Variants in PCDHGA4 observed in about 807,000 individuals in gnomAD.
PCDHGA4 encodes protocadherin gamma subfamily A, 4.
PCDHGA4 carries 38 observed loss-of-function variants against 54.6 expected under a neutral mutation model. That is an observed-to-expected ratio of 0.70 (90% CI 0.54 to 0.91). PCDHGA4 has a LOEUF of 0.91. PCDHGA4 is among the 40% of genes least tolerant of loss of function. The pLI is 0.00. For missense variants in PCDHGA4, 1,298 were observed against 1,220.9 expected (o/e 1.06, Z -0.94); for synonymous variants, 511 against 512.9 (o/e 1.00, Z 0.05).
intron 1 of PCDHGA4, chr5:141,383,482 G>T (rs908975143): frequency 6.2e-7 from 1 of 1,613,500 alleles, no homozygotes; most frequent in Non-Finnish European, 8.5e-7. Context: ...CCCGGAACTG[G>T]TGCTGGAGCG....
chr5:141,355,814 A>T lies in PCDHGA4; in HGVS notation c.707A>T (p.Glu236Val). 6.2e-7 allele frequency: 1 copy of T among 1,613,248 alleles called. No individual in the cohort carries two copies. The highest frequency in any genetic ancestry group is 8.5e-7 in the Non-Finnish European group (1 of 1,179,524). Residue 236 changes from glutamate (E) to valine (V), a missense_variant, in exon 1 of 4, where the codon GAG (glutamate) becomes GTG (valine). Coordinates refer to ENST00000571252, the MANE Select transcript of PCDHGA4 (RefSeq NM_018917.4). ...GAACGCGCTCTAGATCGCGAGGAAGAGGCGGTTCACCACCTCGTTCTCACG... is the reference window on the plus strand; with the variant it reads ...GAACGCGCTCTAGATCGCGAGGAAGTGGCGGTTCACCACCTCGTTCTCACG... ...VLERALDREE[E>V]AVHHLVLTAF...
At chr5:141,366,178 C>G (rs778986920) in intron 1 of PCDHGA4, 1 of 1,614,044 alleles carries the variant, frequency 6.2e-7, no homozygotes, top group Non-Finnish European at 8.5e-7. Context: ...AGCCAGGACT[C>G]TTTGCGGTTG....
chr5:141,450,900 C>T (rs907024071), intron 1 of PCDHGA4, among the ~76,000 whole-genome samples: 9 of 151,048 alleles, frequency 6.0e-5, no homozygotes, highest in Non-Finnish European at 1.2e-4. Flanking sequence ...TATCGGCTCA[C>T]TGCAACCGCT....
intron 1 of PCDHGA4, chr5:141,374,738 G>C (rs1454843423): frequency 4.3e-6 from 7 of 1,611,282 alleles, no homozygotes; most frequent in East Asian, 2.2e-5. Flanking sequence ...GGATGGCGGC[G>C]ACCCTGTCCG....
At position 141,357,290 on chromosome 5, in the gene PCDHGA4, T is replaced by C. The variant is rs773203887; in HGVS notation, c.2183T>C (p.Val728Ala). 3.7e-6 allele frequency: 6 copies of C among 1,613,952 alleles called. 1 individual carries two copies. In the South Asian group the frequency reaches 4.4e-5, roughly 12 times the overall value. The change falls in exon 1 of 4, where the codon GTG (valine) becomes GCG (alanine). Residue 728 changes from valine (V) to alanine (A), a missense_variant. By Grantham distance (64) the Val-to-Ala change is moderately conservative (BLOSUM62 0). Transcript: ENST00000571252. ...SGLTLYLVVA[V>A]AAVSCVFLAF... ...CTCACACTCTATCTCGTGGTGGCAGTGGCCGCTGTCTCCTGCGTCTTCCTG... is the reference window on the plus strand; with the variant it reads ...CTCACACTCTATCTCGTGGTGGCAGCGGCCGCTGTCTCCTGCGTCTTCCTG...
At chr5:141,423,415 G>A (rs779262475) in intron 1 of PCDHGA4, 103 of 1,614,016 alleles carry the variant, frequency 6.4e-5, no homozygotes, top group African/African-American at 1.2e-4. Context: ...GCAGGCTTCT[G>A]AAGGCGGGTT....
intron 1 of PCDHGA4, among the ~76,000 whole-genome samples, chr5:141,464,549 C>T (rs2099086404): frequency 6.6e-6 from 1 of 152,014 alleles, no homozygotes; most frequent in Non-Finnish European, 1.5e-5. Flanking sequence ...TAGCTATTCC[C>T]CATCTTGCAT....
chr5:141,384,553 G>C, intron 1 of PCDHGA4: 1 of 1,614,270 alleles, frequency 6.2e-7, no homozygotes, highest in Non-Finnish European at 8.5e-7. Context: ...GAGCCTGTTC[G>C]TGCTGGACCA....
intron 1 of PCDHGA4, chr5:141,478,523 G>A: frequency 1.2e-6 from 2 of 1,609,908 alleles, no homozygotes; most frequent in Non-Finnish European, 1.7e-6. Flanking sequence ...GGTGTTGGGT[G>A]CAGAGAGCGC....
At chr5:141,403,066 G>A in intron 1 of PCDHGA4, 1 of 1,614,076 alleles carries the variant, frequency 6.2e-7, no homozygotes, top group East Asian at 2.2e-5. Flanking sequence ...TGCCTGAAGA[G>A]ACAGAAAAGG....
chr5:141,410,826 G>T, intron 1 of PCDHGA4: 4 of 379,152 alleles, frequency 1.1e-5, no homozygotes, highest in Non-Finnish European at 9.0e-6. Flanking sequence ...AATGTCACCA[G>T]ACTGAAGATA....
At chr5:141,434,713 T>C (rs1377558306) in intron 1 of PCDHGA4, among the ~76,000 whole-genome samples, 1 of 152,088 alleles carries the variant, frequency 6.6e-6, no homozygotes, top group Non-Finnish European at 1.5e-5. Flanking sequence ...GGTAAATCTC[T>C]GTTCAGGGCT....
intron 1 of PCDHGA4, chr5:141,398,248 A>G (rs908511447): frequency 1.4e-6 from 2 of 1,472,692 alleles, no homozygotes; most frequent in African/African-American, 2.9e-5. Flanking sequence ...TCCCGAGGAA[A>G]TGCCCAAGGG....
rs750827454 is a variant in PCDHGA4, at chr5:141,394,736, C to T, written c.2514+37115C>T. The stretch of plus-strand genomic sequence containing the variant: ...TGGACAGAGATGCGCTCAAGCAGAG[C>T]CTCGTGGTGGCCGTCCAGGACCATG... On this transcript the variant is annotated intron_variant, in intron 1 of 3. Transcript: ENST00000571252. 13 of 1,613,338 alleles carry T rather than the reference C, an allele frequency of 8.1e-6. No homozygotes were observed. The African/African-American group carries it at 1.5e-4, about 18-fold the overall frequency.
chr5:141,413,914 A>G (rs776089620), intron 1 of PCDHGA4: 13 of 1,613,234 alleles, frequency 8.1e-6, no homozygotes. Flanking sequence ...GCCGGTCTTC[A>G]CCTTGCCAGA....
At chr5:141,418,877 G>T in intron 1 of PCDHGA4, 1 of 1,613,960 alleles carries the variant, frequency 6.2e-7, no homozygotes, top group Non-Finnish European at 8.5e-7. Context: ...AGTTGTAGAC[G>T]AAAACGACAA....
chr5:141,357,872 T>A (rs1760752511), intron 1 of PCDHGA4: 1 of 562,694 alleles, frequency 1.8e-6, no homozygotes, highest in African/African-American at 1.9e-5. Flanking sequence ...ATTTTACAAC[T>A]CTGAGCCACC....
chr5:141,418,589 C>G lies in PCDHGA4; in HGVS notation c.2514+60968C>G, dbSNP rs184213052. ...CAATGACAACCCCCCAGTGTTCAGC[C>G]AGGACGTGTACAGGGTTAGCCTTCG... On this transcript the variant is annotated intron_variant, in intron 1 of 3. Transcript: ENST00000571252. 5.5e-4 allele frequency: 884 copies of G among 1,614,012 alleles called. 4 individuals carry two copies. Among genetic ancestry groups the G allele is most frequent in the South Asian group, 4.0e-3 (361 of 91,086 alleles).
chr5:141,487,880 G>T lies in PCDHGA4; in HGVS notation c.2515-6927G>T, dbSNP rs1008153773. ...ATTGGTGATCAAGAGCCAGGCTGTTGTGGAAGCATGATGATGGAATGTGGG... is the reference window on the plus strand; with the variant it reads ...ATTGGTGATCAAGAGCCAGGCTGTTTTGGAAGCATGATGATGGAATGTGGG... On this transcript the variant is annotated intron_variant, in intron 1 of 3. Transcript: ENST00000571252. The surrounding 1 kb of genome is among the most constrained non-coding windows in gnomAD (Gnocchi z 5.0). The T allele has an allele frequency of 3.8e-6, 3 of 784,896 alleles. No individual in the cohort carries two copies. Among genetic ancestry groups the T allele is most frequent in the Non-Finnish European group, 6.0e-6 (3 of 497,074 alleles). 48.6% of individuals were successfully genotyped at this position (784,896 alleles called of 1,614,324 possible).
Sources: allele counts gnomAD v4.1 joint callset (sites outside exome capture counted in the v4.1 genomes callset), GRCh38; gene constraint gnomAD v4.1.1; non-coding constraint Gnocchi (gnomAD v3.1); transcripts MANE v1.5; gene names NCBI Gene and HGNC (gene_info 2026-07-23, HGNC 2026-07-21).